CDC42BPA: variants seen among roughly 807,000 people sequenced by gnomAD.
CDC42BPA encodes the protein CDC42 binding protein kinase alpha.
CDC42BPA carries 80 observed loss-of-function variants against 223.5 expected under a neutral mutation model. That is an observed-to-expected ratio of 0.36 (90% CI 0.30 to 0.43). The LOEUF is 0.43. Ranked by LOEUF, CDC42BPA falls within the 20% of genes least tolerant of loss-of-function variation. The pLI, the probability that CDC42BPA is intolerant of heterozygous loss-of-function variation, is 1.00. For missense variants in CDC42BPA, 1,743 were observed against 2,099.9 expected, an observed-to-expected ratio of 0.83 and a Z score of 3.32; for synonymous variants, 694 against 718.6, an observed-to-expected ratio of 0.97 and a Z score of 0.55.
At chr1:227,233,948 AATAC>A (rs1678511564) in intron 2 of CDC42BPA, among the ~76,000 whole-genome samples, 1 of 152,188 alleles carries the variant, frequency 6.6e-6, no homozygotes, top group Non-Finnish European at 1.5e-5. Context: ...TAAATAAATA[AATAC>A]ATAAATAAGC....
intron 34 of CDC42BPA, among the ~76,000 whole-genome samples, chr1:227,005,356 C>A (rs1164473965): frequency 6.6e-6 from 1 of 152,074 alleles, no homozygotes; most frequent in Admixed American, 6.5e-5. Context: ...CAGTAAAAAA[C>A]AGCATTTTTT....
intron 1 of CDC42BPA, among the ~76,000 whole-genome samples, chr1:227,305,238 A>C (rs1020571328): frequency 6.6e-6 from 1 of 152,152 alleles, no homozygotes; most frequent in African/African-American, 2.4e-5. Flanking sequence ...AGATTATTTC[A>C]AAATTTTTTT....
At position 227,028,738 on chromosome 1, in the gene CDC42BPA, T is replaced by C. The variant is rs1668717240; in HGVS notation, c.4351A>G (p.Ser1451Gly). 1 of 1,614,062 alleles carries C rather than the reference T, an allele frequency of 6.2e-7. No homozygotes were observed. Among genetic ancestry groups the C allele is most frequent in the Admixed American group, 1.7e-5 (1 of 60,022 alleles). ...TGGCAGTCAGTGTATATCCCAATGC[T>C]GTTAAAACACAGCAGATATTCTTTA... is the stretch of plus-strand genomic sequence containing the variant. ...SSKEYLLCFN[S>G]IGIYTDCQGR... Residue 1451 changes from serine to glycine, a missense_variant, in exon 30 of 37, where the codon AGC becomes GGC. Ser to Gly is a moderately conservative substitution (Grantham distance 56). This residue lies in a region of CDC42BPA where 678 missense variants were observed against 777.5 expected (regional missense o/e 0.87). Transcript: ENST00000366766.
chr1:227,032,907 G>A (rs966024848), intron 27 of CDC42BPA, among the ~76,000 whole-genome samples: 3 of 152,214 alleles, frequency 2.0e-5, no homozygotes, highest in African/African-American at 7.2e-5. Context: ...CCACAGAATA[G>A]TGAAAAATAG....
chr1:227,210,532 T>C (rs1219716829), intron 3 of CDC42BPA, among the ~76,000 whole-genome samples: 1 of 152,206 alleles, frequency 6.6e-6, no homozygotes, highest in Non-Finnish European at 1.5e-5. Context: ...TACTTGTTAA[T>C]TGAATAAAAT....
At chr1:227,313,003 T>C (rs942236430) in intron 1 of CDC42BPA, among the ~76,000 whole-genome samples, 1 of 152,144 alleles carries the variant, frequency 6.6e-6, no homozygotes, top group South Asian at 2.1e-4. Flanking sequence ...CTCTTTTCTC[T>C]ATAAATTACT....
rs555529207 is a variant in CDC42BPA at position 227,060,509 on chromosome 1, C to T, written c.2905-8524G>A. On this transcript the variant is annotated intron_variant, in intron 21 of 36. Coordinates refer to ENST00000366766, the MANE Select transcript of CDC42BPA (RefSeq NM_001394014.1). ...CATGCCAGCAACAATGTGACAAATG[C>T]TATCACTGAGATATGTACAAGGTTT... 4.6e-5 allele frequency among the ~76,000 whole-genome samples: 7 copies of T among 152,142 alleles called. No individual in the cohort carries two copies. The East Asian group carries it at 1.2e-3, about 25-fold the overall frequency.
At chr1:227,244,083 G>A (rs1558854279) in intron 2 of CDC42BPA, among the ~76,000 whole-genome samples, 3 of 151,326 alleles carry the variant, frequency 2.0e-5, no homozygotes, top group East Asian at 1.9e-4. Flanking sequence ...CACTGTTGAC[G>A]GGAATATAAA....
At chr1:227,010,764 C>A in intron 34 of CDC42BPA, 2 of 406,098 alleles carry the variant, frequency 4.9e-6, no homozygotes, top group Non-Finnish European at 7.5e-6. Context: ...AGAAATAGGC[C>A]AAAGGAAAAG....
rs34719872 is a variant in CDC42BPA, at chr1:226,999,179, CT to C, written c.4976-4200del. ...GAGAGGATGTGGAGAAATAGGAACA[CT>C]TTTTTTTTTTTTTTGAGACACAGCC... On this transcript the variant is annotated intron_variant, in intron 35 of 36. Coordinates refer to ENST00000366766, the MANE Select transcript of CDC42BPA (RefSeq NM_001394014.1). Among the ~76,000 whole-genome samples the C allele has an allele frequency of 7.6e-3, 1,096 of 143,898 alleles. 9 individuals are homozygous for C. Among genetic ancestry groups the C allele is most frequent in the African/African-American group, 0.022 (852 of 38,992 alleles). The allele number at this position is 143,898 out of a possible 152,430, so 94.4% of individuals were successfully genotyped here.
chr1:227,161,567 T>A (rs1454678861), intron 5 of CDC42BPA, among the ~76,000 whole-genome samples: 1 of 152,252 alleles, frequency 6.6e-6, no homozygotes. Context: ...TAAAATATTA[T>A]AACAGTATTA....
intron 1 of CDC42BPA, among the ~76,000 whole-genome samples, chr1:227,268,623 T>C (rs1479280585): frequency 1.5e-5 from 2 of 131,644 alleles, no homozygotes; most frequent in Non-Finnish European, 3.2e-5. Context: ...TGTGTATATA[T>C]ATAGTATGTG....
In CDC42BPA at chr1:227,279,611, T is replaced by A. The variant is rs548304625; in HGVS notation, c.179-25456A>T. 5.3e-5 allele frequency among the ~76,000 whole-genome samples: 8 copies of A among 152,294 alleles called. No individual in the cohort carries two copies. The South Asian group carries it at 1.7e-3, about 32-fold the overall frequency. On this transcript the variant is annotated intron_variant, in intron 1 of 36. Coordinates refer to ENST00000366766, the MANE Select transcript of CDC42BPA (RefSeq NM_001394014.1). Reference sequence around the variant, plus strand: ...TGTAATTCCAAAAGATATATTTAACTGAAGGCTTTATATTTGGAGACATTA... The same window carrying A: ...TGTAATTCCAAAAGATATATTTAACAGAAGGCTTTATATTTGGAGACATTA...
intron 21 of CDC42BPA, among the ~76,000 whole-genome samples, chr1:227,064,298 T>G (rs16846911): frequency 0.15 from 23,496 of 152,240 alleles, 2,200 homozygotes; most frequent in African/African-American, 0.25. Context: ...GAATTGTAAT[T>G]TAATCAAATT....
chr1:227,060,069 T>C (rs1486462596), intron 21 of CDC42BPA, among the ~76,000 whole-genome samples: 4 of 146,098 alleles, frequency 2.7e-5, no homozygotes, highest in African/African-American at 1.0e-4. Context: ...TCTCGCTCTG[T>C]CGCCCAGGCT....
chr1:227,078,321 T>C (rs564196225), intron 17 of CDC42BPA, among the ~76,000 whole-genome samples: 2 of 152,286 alleles, frequency 1.3e-5, no homozygotes, highest in South Asian at 4.1e-4. Context: ...TATATTTAAG[T>C]CTCATAAGTT....
At chr1:227,151,352 T>C (rs1478513502) in intron 6 of CDC42BPA, among the ~76,000 whole-genome samples, 1 of 152,198 alleles carries the variant, frequency 6.6e-6, no homozygotes, top group African/African-American at 2.4e-5. Context: ...TTAAAATTGA[T>C]TGATATTCCA....
chr1:227,129,714 T>TATATATATAC (rs140091366), intron 10 of CDC42BPA, among the ~76,000 whole-genome samples: 6,978 of 105,276 alleles, frequency 0.066, 442 homozygotes, highest in East Asian at 0.2. Context: ...TATATATATA[T>TATATATATAC]ACAAAAGAAT....
At chr1:227,132,922 C>A (rs1175039655) in intron 10 of CDC42BPA, among the ~76,000 whole-genome samples, 1 of 149,868 alleles carries the variant, frequency 6.7e-6, no homozygotes, top group East Asian at 2.0e-4. Context: ...AGGTGAGGAG[C>A]CCCTCCGCCC....
Sources: gnomAD v4.1 joint callset for allele counts (sites outside exome capture counted in the v4.1 genomes callset) on GRCh38, gnomAD v4.1.1 for gene constraint, gnomAD v4.1.1 regional missense constraint, MANE v1.5 for transcripts, NCBI Gene and HGNC (gene_info 2026-07-23, HGNC 2026-07-21) for gene names.